The following ELMO1 variants were observed in gnomAD, a reference collection of about 807,000 sequenced individuals.
The protein encoded by ELMO1 is engulfment and cell motility 1, also known as engulfment and cell motility protein 1.
A neutral mutation model predicts 98.9 loss-of-function variants in ELMO1; 26 were observed. The observed-to-expected ratio is 0.26, with a 90% confidence interval of 0.19 to 0.36. The LOEUF (loss-of-function observed/expected upper bound fraction) is 0.36. Among genes scored for constraint, ELMO1 ranks in the 10% least tolerant of loss-of-function variants. The pLI, the probability that ELMO1 is intolerant of heterozygous loss-of-function variation, is 1.00. For missense variants in ELMO1, 627 were observed against 935.2 expected (o/e 0.67, Z 4.30); for synonymous variants, 346 against 346.0 (o/e 1.00, Z 0.00).
At chr7:37,384,285 C>A (rs1347943664) in intron 1 of ELMO1, among the ~76,000 whole-genome samples, 1 of 152,094 alleles carries the variant, frequency 6.6e-6, no homozygotes, top group Non-Finnish European at 1.5e-5. Flanking sequence ...ATACTATGCA[C>A]ATGTAATTAC....
At chr7:37,140,211 T>TAA (rs745855444) in intron 13 of ELMO1, among the ~76,000 whole-genome samples, 15 of 128,810 alleles carry the variant, frequency 1.2e-4, no homozygotes, top group African/African-American at 2.8e-4. Context: ...CCACCTCTAC[T>TAA]AAAAAAAAAA....
intron 16 of ELMO1, among the ~76,000 whole-genome samples, chr7:36,958,386 T>C (rs1788642861): frequency 6.6e-6 from 1 of 152,224 alleles, no homozygotes; most frequent in African/African-American, 2.4e-5. Flanking sequence ...GAAATCTGAC[T>C]GTATTTTTCT....
At chr7:36,903,412 T>A (rs970542955) in intron 16 of ELMO1, among the ~76,000 whole-genome samples, 7 of 152,116 alleles carry the variant, frequency 4.6e-5, no homozygotes, top group African/African-American at 1.7e-4. Flanking sequence ...TACTATCTCA[T>A]CTCCAGAGCC....
chr7:37,009,412 A>C (rs1793390182), intron 16 of ELMO1, among the ~76,000 whole-genome samples: 1 of 152,202 alleles, frequency 6.6e-6, no homozygotes, highest in African/African-American at 2.4e-5. Context: ...CTCTTATATA[A>C]ATAAAAAACA....
In ELMO1 at chr7:37,030,067, G is replaced by T. The variant is rs192790246; in HGVS notation, c.1301-16632C>A. Among the ~76,000 whole-genome samples the T allele has an allele frequency of 1.4e-3, 216 of 152,102 alleles. 1 individual carries two copies. Among genetic ancestry groups the T allele is most frequent in the Non-Finnish European group, 1.6e-3 (112 of 67,982 alleles). On this transcript the variant is annotated intron_variant, in intron 15 of 21. Transcript: ENST00000310758. ...TTTGCCCTAAACCAAATTCAGTGAG[G>T]GCTACTTTCCTCTCCAGCTTCTTGG...
At chr7:37,037,566 G>A (rs1001661551) in intron 15 of ELMO1, among the ~76,000 whole-genome samples, 1 of 152,186 alleles carries the variant, frequency 6.6e-6, no homozygotes, top group Non-Finnish European at 1.5e-5. Flanking sequence ...CAGGTTTTCT[G>A]CCCCTAGCAA....
intron 15 of ELMO1, among the ~76,000 whole-genome samples, chr7:37,021,790 C>G (rs1794282746): frequency 6.6e-6 from 1 of 152,058 alleles, no homozygotes. Context: ...ACATGTCAGT[C>G]GTTACTAGTT....
chr7:37,201,661 G>C (rs17170918), intron 13 of ELMO1, among the ~76,000 whole-genome samples: 1,797 of 152,302 alleles, frequency 0.012, 40 homozygotes, highest in African/African-American at 0.041. Context: ...AACTTCAAAC[G>C]TTTCAGGCTT....
rs1194663420 is a variant in ELMO1, at chr7:36,926,711, G to A, written c.1438-31694C>T. On this transcript the variant is annotated intron_variant, in intron 16 of 21. Coordinates refer to ENST00000310758, the MANE Select transcript of ELMO1 (RefSeq NM_014800.11). ...ACGTGTGCTCTTAATATACGGAGAT[G>A]CAAATAACATAAGATCTGATACTCT... Among the ~76,000 whole-genome samples, 5 of 152,152 alleles carry A rather than the reference G, an allele frequency of 3.3e-5. No homozygotes were observed. The East Asian group carries it at 7.7e-4, about 23-fold the overall frequency.
intron 1 of ELMO1, among the ~76,000 whole-genome samples, chr7:37,396,729 C>A (rs1047713236): frequency 5.3e-5 from 8 of 152,154 alleles, no homozygotes; most frequent in African/African-American, 1.9e-4. Context: ...TGAGTGGGGA[C>A]AATAATTCAC....
At chr7:37,005,248 G>A (rs1016507869) in intron 16 of ELMO1, among the ~76,000 whole-genome samples, 9 of 152,160 alleles carry the variant, frequency 5.9e-5, no homozygotes, top group East Asian at 3.9e-4. Context: ...TAAATTCAGC[G>A]GGTAGAGGGT....
At chr7:36,961,560 T>C (rs1190748816) in intron 16 of ELMO1, among the ~76,000 whole-genome samples, 2 of 152,222 alleles carry the variant, frequency 1.3e-5, no homozygotes, top group Non-Finnish European at 2.9e-5. Context: ...AATATCCTTT[T>C]CAGTTTCACA....
chr7:36,866,685 G>A (rs961639007), intron 20 of ELMO1, among the ~76,000 whole-genome samples: 1 of 152,148 alleles, frequency 6.6e-6, no homozygotes, highest in Admixed American at 6.5e-5. Context: ...GTTAACCATG[G>A]GTCTCATGGC....
chr7:36,865,629 C>T (rs1378849959), intron 20 of ELMO1, among the ~76,000 whole-genome samples: 1 of 152,220 alleles, frequency 6.6e-6, no homozygotes, highest in Non-Finnish European at 1.5e-5. Context: ...AAAGTCTTCT[C>T]CTCATTCTCT....
chr7:37,219,600 G>A (rs1793483039), intron 10 of ELMO1, among the ~76,000 whole-genome samples: 1 of 152,152 alleles, frequency 6.6e-6, no homozygotes, highest in Non-Finnish European at 1.5e-5. Context: ...CCAGGCTTCG[G>A]GGAGTTGTTT....
chr7:37,084,944 C>A (rs768533840), intron 15 of ELMO1, among the ~76,000 whole-genome samples: 1 of 151,704 alleles, frequency 6.6e-6, no homozygotes, highest in African/African-American at 2.4e-5. Flanking sequence ...TTAGTAGAGA[C>A]GAGGGTTTCA....
chr7:37,157,349 T>A (rs1225502302), intron 13 of ELMO1, among the ~76,000 whole-genome samples: 1 of 152,284 alleles, frequency 6.6e-6, no homozygotes. Context: ...TAAAGGCTAT[T>A]CAATTAGGAA....
intron 16 of ELMO1, among the ~76,000 whole-genome samples, chr7:36,969,339 T>A (rs1789717113): frequency 2.6e-5 from 4 of 152,218 alleles, no homozygotes; most frequent in Admixed American, 2.0e-4. Flanking sequence ...AATAGTGTAA[T>A]GAATGTCAGT....
At position 37,436,723 on chromosome 7, in the gene ELMO1, C is replaced by T. The variant is rs142140154; in HGVS notation, c.-74+11952G>A. 5.0e-3 allele frequency among the ~76,000 whole-genome samples: 768 copies of T among 152,262 alleles called. 5 individuals carry two copies. The highest frequency in any genetic ancestry group is 0.018 in the African/African-American group (735 of 41,530). ...TAGAAAAAGCACCCAAACAAACCGG[C>T]CACATCCAGAGAGAGCGATTGGAAA... is the stretch of plus-strand genomic sequence containing the variant. On this transcript the variant is annotated intron_variant, in intron 1 of 21. Transcript: ENST00000310758.
Sources: gnomAD v4.1 joint callset for allele counts (sites outside exome capture counted in the v4.1 genomes callset) on GRCh38, gnomAD v4.1.1 for gene constraint, MANE v1.5 for transcripts, NCBI Gene and HGNC (gene_info 2026-07-23, HGNC 2026-07-21) for gene names.